PKN2: variants seen among roughly 807,000 people sequenced by gnomAD.
PKN2 encodes serine/threonine-protein kinase N2.
In PKN2, 38 loss-of-function variants were observed where a neutral mutation model predicts 119.1. The observed-to-expected ratio is 0.32, with a 90% CI of 0.25 to 0.42. The LOEUF (loss-of-function observed/expected upper bound fraction) is 0.42, where lower values mean the gene tolerates loss of function less well. Among genes scored for constraint, PKN2 ranks in the 10% least tolerant of loss-of-function variants. The pLI, the probability that PKN2 is intolerant of heterozygous loss-of-function variation, is 1.00. For synonymous variants in PKN2, 390 were observed against 384.9 expected, an observed-to-expected ratio of 1.01 and a Z score of -0.15; for missense variants, 850 against 1,165.1, an observed-to-expected ratio of 0.73 and a Z score of 3.94.
chr1:88,754,090 G>C (rs1283675622), intron 2 of PKN2, among the ~76,000 whole-genome samples: 2 of 152,072 alleles, frequency 1.3e-5, no homozygotes, highest in Non-Finnish European at 2.9e-5. Context: ...ATATGTTTAT[G>C]CTTGGGGTTG....
chr1:88,807,297 A>G lies in PKN2; in HGVS notation c.1804-16A>G. The G allele has an allele frequency of 1.3e-6, 2 of 1,481,732 alleles. No individual in the cohort carries two copies. Among genetic ancestry groups the G allele is most frequent in the Non-Finnish European group, 1.8e-6 (2 of 1,088,294 alleles). The allele number at this position is 1,481,732 out of a possible 1,614,324, so 91.8% of individuals were successfully genotyped here. ...TGGGTATTTCTATGGATTCACGTGTATTTAATATTTTACAGGATTCAGAGA... is the reference window on the plus strand; with the variant it reads ...TGGGTATTTCTATGGATTCACGTGTGTTTAATATTTTACAGGATTCAGAGA... On this transcript the variant is annotated splice_polypyrimidine_tract_variant and intron_variant, in intron 12 of 21. Coordinates refer to ENST00000370521, the MANE Select transcript of PKN2 (RefSeq NM_006256.4).
At chr1:88,735,472 T>TA (rs397860761) in intron 1 of PKN2, among the ~76,000 whole-genome samples, 1 of 151,750 alleles carries the variant, frequency 6.6e-6, no homozygotes, top group Non-Finnish European at 1.5e-5. Context: ...TATTTTTTTT[T>TA]AACATTTCTT....
intron 1 of PKN2, among the ~76,000 whole-genome samples, chr1:88,727,376 G>A (rs780590862): frequency 2.0e-5 from 3 of 151,884 alleles, no homozygotes; most frequent in African/African-American, 4.8e-5. Flanking sequence ...TCACTGTATT[G>A]CCCAGTCTGG....
At chr1:88,708,296 G>T (rs528524476) in intron 1 of PKN2, among the ~76,000 whole-genome samples, 1 of 152,064 alleles carries the variant, frequency 6.6e-6, no homozygotes, top group Non-Finnish European at 1.5e-5. Context: ...ATAGGTTTTT[G>T]TTGTCTAACC....
At chr1:88,709,422 T>C (rs979149843) in intron 1 of PKN2, among the ~76,000 whole-genome samples, 1 of 152,076 alleles carries the variant, frequency 6.6e-6, no homozygotes, top group African/African-American at 2.4e-5. Flanking sequence ...CAGGGGAAGA[T>C]AGACATTAAG....
intron 8 of PKN2, among the ~76,000 whole-genome samples, chr1:88,792,014 T>C (rs955661090): frequency 6.6e-6 from 1 of 152,222 alleles, no homozygotes; most frequent in Non-Finnish European, 1.5e-5. Flanking sequence ...CTGGGAGTAT[T>C]GTTTCATCTG....
At chr1:88,770,250 G>C in intron 3 of PKN2, 102 bp from the exon 4 acceptor site, 3 of 645,854 alleles carry the variant, frequency 4.6e-6, no homozygotes, top group Non-Finnish European at 8.3e-6. Context: ...TTTTAACTCT[G>C]TTTTTCACTT....
intron 2 of PKN2, among the ~76,000 whole-genome samples, chr1:88,742,692 G>T (rs1163472545): frequency 6.6e-6 from 1 of 151,434 alleles, no homozygotes; most frequent in Non-Finnish European, 1.5e-5. Flanking sequence ...CCTGTTCCAT[G>T]GAACTCTGCC....
At chr1:88,748,218 T>C (rs1441215165) in intron 2 of PKN2, among the ~76,000 whole-genome samples, 5 of 152,238 alleles carry the variant, frequency 3.3e-5, no homozygotes, top group Admixed American at 3.3e-4. Flanking sequence ...TCCAATGCCC[T>C]ATACATCTCC....
chr1:88,831,954 T>C (rs1672747174), intron 19 of PKN2, among the ~76,000 whole-genome samples: 2 of 152,030 alleles, frequency 1.3e-5, no homozygotes, highest in African/African-American at 2.4e-5. Flanking sequence ...TCTCTCTTTG[T>C]GAATCAAATT....
chr1:88,785,770 C>G (rs921501095), intron 7 of PKN2, among the ~76,000 whole-genome samples: 1 of 152,134 alleles, frequency 6.6e-6, no homozygotes, highest in Non-Finnish European at 1.5e-5. Context: ...GAAACAAGCT[C>G]TATAAATATA....
intron 1 of PKN2, among the ~76,000 whole-genome samples, chr1:88,694,648 G>C (rs141927834): frequency 8.5e-5 from 13 of 152,194 alleles, no homozygotes; most frequent in African/African-American, 2.4e-4. Flanking sequence ...CCAATTGTAT[G>C]GTAAGAATAT....
intron 8 of PKN2, among the ~76,000 whole-genome samples, chr1:88,788,305 T>A (rs1449707815): frequency 6.6e-6 from 1 of 152,250 alleles, no homozygotes; most frequent in Non-Finnish European, 1.5e-5. Context: ...TGTTTTGGGA[T>A]TTTATGTAAA....
At chr1:88,749,212 A>G (rs1020187887) in intron 2 of PKN2, among the ~76,000 whole-genome samples, 1 of 152,128 alleles carries the variant, frequency 6.6e-6, no homozygotes, top group Admixed American at 6.5e-5. Context: ...CTCTACTAGG[A>G]GATGATAGGT....
intron 1 of PKN2, among the ~76,000 whole-genome samples, chr1:88,711,371 G>A (rs747812555): frequency 2.6e-5 from 4 of 152,148 alleles, no homozygotes; most frequent in South Asian, 2.1e-4. Flanking sequence ...CCACCTTTGC[G>A]TAATCAGTCT....
chr1:88,737,963 G>A (rs1186730433), intron 1 of PKN2, among the ~76,000 whole-genome samples: 4 of 152,082 alleles, frequency 2.6e-5, no homozygotes, highest in Non-Finnish European at 5.9e-5. Flanking sequence ...TGGCTCTTGC[G>A]AAGTTACTTT....
Position 88,747,863 on chromosome 1 carries a change from T to C in PKN2, c.349+6575T>C, listed in dbSNP as rs565253325. 5.0e-3 allele frequency among the ~76,000 whole-genome samples: 766 copies of C among 152,186 alleles called. 2 individuals carry two copies. Among genetic ancestry groups the C allele is most frequent in the African/African-American group, 0.017 (721 of 41,548 alleles). On this transcript the variant is annotated intron_variant, in intron 2 of 21. Transcript: ENST00000370521. ...TTAATCTTAGCAAATTCTTCTAAAT[T>C]CCTAAAATATATCTGTATTGAGGGA...
chr1:88,771,921 CTA>C, intron 6 of PKN2, 42 bp downstream of exon 6: 1 of 1,334,960 alleles, frequency 7.5e-7, no homozygotes, highest in Non-Finnish European at 1.1e-6. Flanking sequence ...GTATTTTTGT[CTA>C]TAACTGGTTC....
At chr1:88,815,342 C>T (rs142159163) in intron 16 of PKN2, 5,842 of 239,252 alleles carry the variant, frequency 0.024, 109 homozygotes, top group Non-Finnish European at 0.037. Context: ...GTTCTCAGAT[C>T]AAAGGTCATT....
Sources: gnomAD v4.1 joint callset for allele counts (sites outside exome capture counted in the v4.1 genomes callset) on GRCh38, gnomAD v4.1.1 for gene constraint, MANE v1.5 for transcripts, NCBI Gene and HGNC (gene_info 2026-07-23, HGNC 2026-07-21) for gene names.